Variants in SKAP1 observed in about 807,000 individuals in gnomAD.
SKAP1 encodes the protein src kinase-associated phosphoprotein 1.
A neutral mutation model predicts 58.5 loss-of-function variants in SKAP1; 44 were observed. That is an observed-to-expected ratio of 0.75 (90% CI 0.59 to 0.97). The LOEUF (loss-of-function observed/expected upper bound fraction) is 0.97. SKAP1 is among the 50% of genes least tolerant of loss of function. SKAP1 has a pLI of 0.00. For missense variants in SKAP1, 390 were observed against 435.2 expected, an observed-to-expected ratio of 0.90 and a Z score of 0.92; for synonymous variants, 127 against 149.7, an observed-to-expected ratio of 0.85 and a Z score of 1.11.
chr17:48,178,150 C>T (rs1250539551), intron 9 of SKAP1, among the ~76,000 whole-genome samples: 2 of 152,088 alleles, frequency 1.3e-5, no homozygotes, highest in Non-Finnish European at 2.9e-5. Context: ...ACCTTCATTG[C>T]CCACTCCTGG....
At chr17:48,292,918 C>T (rs901247545) in intron 4 of SKAP1, among the ~76,000 whole-genome samples, 2 of 152,160 alleles carry the variant, frequency 1.3e-5, no homozygotes, top group Non-Finnish European at 2.9e-5. Context: ...AAACTATAAA[C>T]TACTGTAAGA....
chr17:48,252,944 G>A (rs1278794225), intron 4 of SKAP1, among the ~76,000 whole-genome samples: 2 of 152,096 alleles, frequency 1.3e-5, no homozygotes, highest in African/African-American at 2.4e-5. Context: ...AGTAAGAGTT[G>A]TATTTGCTTT....
chr17:48,414,732 T>C (rs903576249), intron 1 of SKAP1, among the ~76,000 whole-genome samples: 1 of 152,102 alleles, frequency 6.6e-6, no homozygotes, highest in African/African-American at 2.4e-5. Context: ...TTTGCAACAC[T>C]AGAGGCATGA....
intron 1 of SKAP1, among the ~76,000 whole-genome samples, chr17:48,427,793 C>A (rs1166347901): frequency 3.3e-5 from 5 of 151,864 alleles, no homozygotes; most frequent in Non-Finnish European, 7.4e-5. Flanking sequence ...ACCCCACCCC[C>A]ACAGCCATGT....
chr17:48,318,313 T>C (rs192893322), intron 4 of SKAP1, among the ~76,000 whole-genome samples: 1 of 152,362 alleles, frequency 6.6e-6, no homozygotes, highest in East Asian at 1.9e-4. Flanking sequence ...TCATTTCTTT[T>C]TGACCTCAGA....
intron 2 of SKAP1, among the ~76,000 whole-genome samples, chr17:48,390,495 C>T (rs537845532): frequency 2.0e-5 from 3 of 152,162 alleles, no homozygotes; most frequent in Non-Finnish European, 2.9e-5. Flanking sequence ...TTTTCTGAAA[C>T]CAAGACAAAT....
Position 48,322,925 on chromosome 17 carries a change from G to A in SKAP1, c.280+22980C>T, listed in dbSNP as rs574340297. On this transcript the variant is annotated intron_variant, in intron 4 of 12. Transcript: ENST00000336915. ...AGCCTGGCCAACATGGTGAAAACCC[G>A]TCTCTACTAAAAATACAAAAATTAG... is the stretch of plus-strand genomic sequence containing the variant. 2.3e-4 allele frequency among the ~76,000 whole-genome samples: 35 copies of A among 152,114 alleles called. 1 individual carries two copies. The East Asian group carries it at 5.4e-3, about 24-fold the overall frequency.
intron 3 of SKAP1, among the ~76,000 whole-genome samples, chr17:48,359,580 T>C (rs950634762): frequency 2.6e-5 from 4 of 152,164 alleles, no homozygotes; most frequent in African/African-American, 9.7e-5. Flanking sequence ...TATTTGTTTT[T>C]GCCAGGCTAT....
At chr17:48,198,150 A>T (rs982347277) in intron 4 of SKAP1, among the ~76,000 whole-genome samples, 7 of 152,344 alleles carry the variant, frequency 4.6e-5, no homozygotes, top group Non-Finnish European at 8.8e-5. Flanking sequence ...TGAATAATTT[A>T]CTTTTAGAAT....
intron 4 of SKAP1, among the ~76,000 whole-genome samples, chr17:48,209,563 T>C (rs1030983770): frequency 7.9e-5 from 12 of 152,198 alleles, no homozygotes; most frequent in Non-Finnish European, 1.3e-4. Flanking sequence ...TTGCTCTGTG[T>C]TCTAAGGTTG....
intron 1 of SKAP1, among the ~76,000 whole-genome samples, chr17:48,406,717 G>A (rs1043620793): frequency 1.3e-5 from 2 of 151,852 alleles, no homozygotes; most frequent in African/African-American, 2.4e-5. Flanking sequence ...AGGTGCCCAC[G>A]ACCATGCCTA....
chr17:48,205,008 T>C (rs1477861084), intron 4 of SKAP1, among the ~76,000 whole-genome samples: 12 of 27,962 alleles, frequency 4.3e-4, no homozygotes, highest in Non-Finnish European at 5.7e-4. Context: ...TTTCTTTCTT[T>C]CTTTCTTTTT....
intron 3 of SKAP1, among the ~76,000 whole-genome samples, chr17:48,354,236 C>A (rs1199764149): frequency 6.6e-6 from 1 of 152,186 alleles, no homozygotes; most frequent in Non-Finnish European, 1.5e-5. Flanking sequence ...CCACTCCAAA[C>A]AGGGATTCTC....
intron 4 of SKAP1, among the ~76,000 whole-genome samples, chr17:48,301,064 A>G (rs2066050298): frequency 1.3e-5 from 2 of 152,136 alleles, no homozygotes; most frequent in Admixed American, 6.5e-5. Context: ...CTGGAAAATC[A>G]GCTCAGATCT....
At chr17:48,323,497 G>T (rs978461059) in intron 4 of SKAP1, among the ~76,000 whole-genome samples, 4 of 151,858 alleles carry the variant, frequency 2.6e-5, no homozygotes. Flanking sequence ...TGGGCAAACA[G>T]GGCACAAAAT....
chr17:48,306,479 A>G (rs188224752), intron 4 of SKAP1, among the ~76,000 whole-genome samples: 2 of 152,274 alleles, frequency 1.3e-5, no homozygotes, highest in African/African-American at 4.8e-5. Context: ...GTTGGTACAC[A>G]ATTTTAAACA....
chr17:48,197,362 G>A (rs145794411), intron 4 of SKAP1, among the ~76,000 whole-genome samples: 4 of 151,792 alleles, frequency 2.6e-5, no homozygotes, highest in African/African-American at 9.7e-5. Context: ...CCAGTGTAGG[G>A]CTCATGCAGA....
At chr17:48,440,690 C>T in the SKAP1 span, among the ~76,000 whole-genome samples, 1 of 152,188 alleles carries the variant, frequency 6.6e-6, no homozygotes, top group Non-Finnish European at 1.5e-5. Context: ...TGTGAGGATC[C>T]TCCCACCCTC....
intron 9 of SKAP1, among the ~76,000 whole-genome samples, chr17:48,173,053 A>T (rs1441197661): frequency 6.6e-6 from 1 of 152,058 alleles, no homozygotes; most frequent in African/African-American, 2.4e-5. Context: ...AGTGATGCAC[A>T]CCTGTAGTTC....
Sources: gnomAD v4.1 joint callset for allele counts (sites outside exome capture counted in the v4.1 genomes callset) on GRCh38, gnomAD v4.1.1 for gene constraint, MANE v1.5 for transcripts, NCBI Gene and HGNC (gene_info 2026-07-23, HGNC 2026-07-21) for gene names.